Variants in AGBL1 observed in about 807,000 individuals in gnomAD.
AGBL1 encodes cytosolic carboxypeptidase 4.
A neutral mutation model predicts 118.9 loss-of-function variants in AGBL1; 130 were observed. That is an observed-to-expected ratio of 1.09 (90% confidence interval 0.95 to 1.26). The LOEUF is 1.26. Ranked by LOEUF, AGBL1 falls within the 50% of genes most tolerant of loss-of-function variation. The pLI, the probability that AGBL1 is intolerant of heterozygous loss-of-function variation, is 0.00. For synonymous variants in AGBL1, 555 were observed against 478.9 expected (o/e 1.16, Z -2.08); for missense variants, 1,584 against 1,298.1 (o/e 1.22, Z -3.38).
At chr15:86,194,268 A>G (rs1337460246) in intron 5 of AGBL1, among the ~76,000 whole-genome samples, 1 of 152,076 alleles carries the variant, frequency 6.6e-6, no homozygotes, top group Non-Finnish European at 1.5e-5. Flanking sequence ...CACTCCCTTA[A>G]TCATCTTCCT....
chr15:86,236,949 GGGC>G lies in AGBL1; in HGVS notation c.527-10719_527-10717del, dbSNP rs2078558980. 8.7e-3 allele frequency among the ~76,000 whole-genome samples: 148 copies of G among 17,056 alleles called. 4 individuals are homozygous for G. The highest frequency in any genetic ancestry group is 0.024 in the Middle Eastern group (1 of 42). 11.2% of individuals were successfully genotyped at this position (17,056 alleles called of 152,430 possible). On this transcript the variant is annotated intron_variant, in intron 6 of 22. Coordinates refer to ENST00000614907, the MANE Select transcript of AGBL1 (RefSeq NM_001386094.1). ...TATGTGGGCGGGGGGGGGCGGGGGG[GGGC>G]GGGGGGGCGCCAAGTTGCCAGGCAC...
chr15:86,298,246 A>ATTATATATATATATATATATAT lies in AGBL1; in HGVS notation c.2374+2838_2374+2839insTTATATATATATATATATATAT, dbSNP rs1555462936. On this transcript the variant is annotated intron_variant, in intron 17 of 22. Transcript: ENST00000614907. ...GTATACAGGGTACGTGTCTGTGTATAATATATATATATATATATATATATA... is the reference window on the plus strand; with the variant it reads ...GTATACAGGGTACGTGTCTGTGTATATTATATATATATATATATATATATATATATATATATATATATATATA... Among the ~76,000 whole-genome samples, 27 of 69,804 alleles carry ATTATATATATATATATATATAT rather than the reference A, an allele frequency of 3.9e-4. 1 individual carries two copies. Among genetic ancestry groups the ATTATATATATATATATATATAT allele is most frequent in the African/African-American group, 7.8e-4 (12 of 15,352 alleles). The allele number at this position is 69,804 out of a possible 152,430, so 45.8% of individuals were successfully genotyped here.
At chr15:86,805,970 T>C (rs1480835148) in intron 22 of AGBL1, among the ~76,000 whole-genome samples, 1 of 152,076 alleles carries the variant, frequency 6.6e-6, no homozygotes, top group Non-Finnish European at 1.5e-5. Context: ...ATGGGGTCTA[T>C]GCTGATTTCA....
chr15:86,509,758 T>G (rs1410476861), intron 18 of AGBL1, among the ~76,000 whole-genome samples: 2 of 152,124 alleles, frequency 1.3e-5, no homozygotes, highest in African/African-American at 4.8e-5. Flanking sequence ...TCTTTTCTTT[T>G]GCATGCCTTT....
intron 22 of AGBL1, among the ~76,000 whole-genome samples, chr15:86,834,752 T>C (rs760837573): frequency 1.3e-5 from 2 of 152,164 alleles, no homozygotes; most frequent in African/African-American, 2.4e-5. Context: ...AACTTGTCCA[T>C]GCCAGGCCAC....
At chr15:86,858,088 C>T (rs983894118) in intron 22 of AGBL1, among the ~76,000 whole-genome samples, 1 of 152,122 alleles carries the variant, frequency 6.6e-6, no homozygotes, top group South Asian at 2.1e-4. Flanking sequence ...TCCCCTGATA[C>T]CACTTTTACA....
At chr15:86,398,460 GA>G (rs987581153) in intron 18 of AGBL1, among the ~76,000 whole-genome samples, 2 of 150,622 alleles carry the variant, frequency 1.3e-5, no homozygotes, top group Non-Finnish European at 1.5e-5. Flanking sequence ...AACATTGAAG[GA>G]AAAAAAATTC....
At chr15:86,845,873 A>G (rs1272445916) in intron 22 of AGBL1, among the ~76,000 whole-genome samples, 1 of 152,132 alleles carries the variant, frequency 6.6e-6, no homozygotes. Flanking sequence ...ATAAATATGT[A>G]TATCTTTTCT....
intron 21 of AGBL1, among the ~76,000 whole-genome samples, chr15:86,575,293 A>G (rs554035701): frequency 6.6e-6 from 1 of 152,028 alleles, no homozygotes; most frequent in East Asian, 2.0e-4. Context: ...GAGCCTAGGA[A>G]GTCAGGACCA....
At chr15:86,441,654 T>C (rs537076669) in intron 18 of AGBL1, among the ~76,000 whole-genome samples, 1 of 152,344 alleles carries the variant, frequency 6.6e-6, no homozygotes, top group African/African-American at 2.4e-5. Flanking sequence ...ACAGGGGGCA[T>C]TGTATCCCCG....
intron 22 of AGBL1, among the ~76,000 whole-genome samples, chr15:86,893,809 A>G (rs188753839): frequency 1.3e-5 from 2 of 152,306 alleles, no homozygotes; most frequent in East Asian, 3.9e-4. Flanking sequence ...ATGCTATGGC[A>G]TTTGTTTCTA....
chr15:86,749,527 G>A (rs113956804), intron 22 of AGBL1, among the ~76,000 whole-genome samples: 28,880 of 151,388 alleles, frequency 0.19, 2,870 homozygotes, highest in East Asian at 0.28. Flanking sequence ...AATTGCCCTG[G>A]CCAGAACTTC....
intron 24 of AGBL1, among the ~76,000 whole-genome samples, chr15:86,992,943 G>C (rs1486560502): frequency 2.0e-5 from 3 of 152,078 alleles, no homozygotes; most frequent in Non-Finnish European, 4.4e-5. Flanking sequence ...AGAGACATGA[G>C]CATCCCTAAA....
intron 24 of AGBL1, among the ~76,000 whole-genome samples, chr15:87,002,957 A>T (rs2081456018): frequency 6.6e-6 from 1 of 151,874 alleles, no homozygotes; most frequent in East Asian, 1.9e-4. Context: ...TTTCCTAATT[A>T]ATACCCTTTA....
At chr15:86,538,414 T>C (rs2083453686) in intron 19 of AGBL1, among the ~76,000 whole-genome samples, 1 of 152,168 alleles carries the variant, frequency 6.6e-6, no homozygotes, top group Non-Finnish European at 1.5e-5. Flanking sequence ...AGTATGGCTA[T>C]CAATAAAAAG....
At chr15:86,601,859 G>T (rs1231667820) in intron 21 of AGBL1, among the ~76,000 whole-genome samples, 2 of 152,074 alleles carry the variant, frequency 1.3e-5, no homozygotes, top group Non-Finnish European at 2.9e-5. Context: ...AGACAGACAG[G>T]ATAAATATGT....
In AGBL1 at chr15:86,571,413, C is replaced by T. The variant is rs1013529280; in HGVS notation, c.2994+16876C>T. On this transcript the variant is annotated intron_variant, in intron 21 of 22. Transcript: ENST00000614907. ...CAAGATGAAGAGGAGCGTTATTGAG[C>T]AATGGAATAGCTCAGAGGGCCCACA... Among the ~76,000 whole-genome samples, 7 of 152,266 alleles carry T rather than the reference C, an allele frequency of 4.6e-5. 1 individual carries two copies. The South Asian group carries it at 1.5e-3, about 32-fold the overall frequency.
At chr15:86,150,106 T>A (rs539905378) in intron 3 of AGBL1, among the ~76,000 whole-genome samples, 1 of 152,176 alleles carries the variant, frequency 6.6e-6, no homozygotes, top group Non-Finnish European at 1.5e-5. Context: ...TGTACCAGAA[T>A]CTCTGGGACA....
At chr15:86,974,419 TA>T (rs1310887561) in intron 23 of AGBL1, among the ~76,000 whole-genome samples, 3 of 117,708 alleles carry the variant, frequency 2.5e-5, no homozygotes, top group Admixed American at 8.8e-5. Context: ...AATATAAACA[TA>T]TTTTATATAT....
Sources: gnomAD v4.1 joint callset for allele counts (sites outside exome capture counted in the v4.1 genomes callset) on GRCh38, gnomAD v4.1.1 for gene constraint, MANE v1.5 for transcripts, NCBI Gene and HGNC (gene_info 2026-07-23, HGNC 2026-07-21) for gene names.